The following ATXN1 variants were observed in gnomAD, a reference collection of about 807,000 sequenced individuals.
ATXN1 encodes ataxin 1, also known as ataxin-1.
ATXN1 carries 8 observed loss-of-function variants against 56.4 expected under a neutral mutation model. The observed-to-expected ratio is 0.14, with a 90% CI of 0.08 to 0.26. The LOEUF (loss-of-function observed/expected upper bound fraction) is 0.26. Ranked by LOEUF, ATXN1 falls within the 10% of genes least tolerant of loss-of-function variation. The pLI is 1.00. For synonymous variants in ATXN1, 514 were observed against 494.6 expected, an observed-to-expected ratio of 1.04 and a Z score of -0.52; for missense variants, 987 against 1,106.5, an observed-to-expected ratio of 0.89 and a Z score of 1.53.
intron 6 of ATXN1, among the ~76,000 whole-genome samples, chr6:16,369,265 T>C (rs143895055): frequency 1.9e-4 from 29 of 152,342 alleles, no homozygotes; most frequent in African/African-American, 7.0e-4. Context: ...GAATGGGCAG[T>C]ATGTGGTTTC....
intron 6 of ATXN1, among the ~76,000 whole-genome samples, chr6:16,351,079 A>AAAATG (rs1761555576): frequency 6.6e-6 from 1 of 152,076 alleles, no homozygotes; most frequent in Middle Eastern, 3.2e-3. Flanking sequence ...ACAGAACAAG[A>AAAATG]CCCTGTCTCA....
intron 6 of ATXN1, among the ~76,000 whole-genome samples, chr6:16,459,036 A>G (rs1443228828): frequency 1.3e-5 from 2 of 152,194 alleles, no homozygotes; most frequent in Non-Finnish European, 2.9e-5. Context: ...ATTACCATCC[A>G]AGGAATCCTG....
intron 5 of ATXN1, among the ~76,000 whole-genome samples, chr6:16,501,441 A>G (rs1266742667): frequency 6.6e-6 from 1 of 152,270 alleles, no homozygotes; most frequent in Non-Finnish European, 1.5e-5. Context: ...CCCCTCATGC[A>G]TTAGGTATTT....
chr6:16,724,367 A>G (rs1759805187), intron 2 of ATXN1, among the ~76,000 whole-genome samples: 1 of 152,156 alleles, frequency 6.6e-6, no homozygotes, highest in African/African-American at 2.4e-5. Flanking sequence ...TGTGCATCAA[A>G]GTTTTCTTCT....
At chr6:16,439,616 A>T (rs1456131696) in intron 6 of ATXN1, among the ~76,000 whole-genome samples, 1 of 152,146 alleles carries the variant, frequency 6.6e-6, no homozygotes, top group Non-Finnish European at 1.5e-5. Flanking sequence ...AACAAATAAA[A>T]AATTGAGCTT....
chr6:16,670,986 C>T (rs1434414108), intron 2 of ATXN1, among the ~76,000 whole-genome samples: 1 of 152,212 alleles, frequency 6.6e-6, no homozygotes, highest in East Asian at 1.9e-4. Flanking sequence ...AGTCCATTTA[C>T]TCTAGCTAAT....
chr6:16,607,319 C>T (rs1318970139), intron 3 of ATXN1, among the ~76,000 whole-genome samples: 3 of 152,182 alleles, frequency 2.0e-5, no homozygotes, highest in African/African-American at 7.2e-5. Flanking sequence ...CATTCTAGCT[C>T]CCAAGTTCTG....
chr6:16,325,842 A>G (rs1203539124), intron 7 of ATXN1, among the ~76,000 whole-genome samples: 2 of 152,130 alleles, frequency 1.3e-5, no homozygotes, highest in Admixed American at 6.5e-5. Flanking sequence ...GCCATAGCTC[A>G]CTACAGCCTC....
intron 2 of ATXN1, among the ~76,000 whole-genome samples, chr6:16,663,842 T>G (rs1206638580): frequency 6.6e-6 from 1 of 152,162 alleles, no homozygotes; most frequent in Non-Finnish European, 1.5e-5. Context: ...GAACATGTTT[T>G]TGATCCATAC....
rs1359520974 is a variant in ATXN1 at position 16,683,352 on chromosome 6, AAACT to A, written c.-614-25455_-614-25452del. On this transcript the variant is annotated intron_variant, in intron 2 of 7. Transcript: ENST00000436367. ...GAGCTTCTCCATGGACAGTGTTCCA[AAACT>A]AACTGTGGCTGTTAGGATAAAGAGG... Among the ~76,000 whole-genome samples, 3 of 152,180 alleles carry A rather than the reference AAACT, an allele frequency of 2.0e-5. No individual in the cohort carries two copies. The East Asian group carries it at 5.8e-4, about 29-fold the overall frequency.
intron 2 of ATXN1, among the ~76,000 whole-genome samples, chr6:16,711,190 A>G (rs1164979907): frequency 6.6e-6 from 1 of 152,242 alleles, no homozygotes; most frequent in Non-Finnish European, 1.5e-5. Flanking sequence ...AAAAAAAATC[A>G]CTTCAATAAT....
At chr6:16,646,282 C>G (rs1037372262) in intron 3 of ATXN1, among the ~76,000 whole-genome samples, 2 of 152,156 alleles carry the variant, frequency 1.3e-5, no homozygotes, top group African/African-American at 4.8e-5. Context: ...TAAGTAAATT[C>G]CTGCTAAGAG....
chr6:16,679,440 G>C (rs531200187), intron 2 of ATXN1, among the ~76,000 whole-genome samples: 1 of 152,168 alleles, frequency 6.6e-6, no homozygotes, highest in Non-Finnish European at 1.5e-5. Flanking sequence ...GGAAAAAAGG[G>C]AGAAAGGGGG....
chr6:16,584,845 T>C (rs1762594553), intron 4 of ATXN1, among the ~76,000 whole-genome samples: 1 of 152,194 alleles, frequency 6.6e-6, no homozygotes, highest in Non-Finnish European at 1.5e-5. Flanking sequence ...TGAAAACTCT[T>C]ACATTTACCA....
rs534592230 is a variant in ATXN1, at chr6:16,677,049, T to C, written c.-614-19148A>G. 2.6e-5 allele frequency among the ~76,000 whole-genome samples: 4 copies of C among 152,214 alleles called. No individual in the cohort carries two copies. In the South Asian group the frequency reaches 6.2e-4, roughly 24 times the overall value. ...TTTTTTTAAAACAATGAATGAATCA[T>C]GTCTGTAGTGGCCACTGCGAGCAAA... On this transcript the variant is annotated intron_variant, in intron 2 of 7. Coordinates refer to ENST00000436367, the MANE Select transcript of ATXN1 (RefSeq NM_001128164.2).
At chr6:16,452,175 A>G (rs1759767569) in intron 6 of ATXN1, among the ~76,000 whole-genome samples, 1 of 152,230 alleles carries the variant, frequency 6.6e-6, no homozygotes, top group Admixed American at 6.5e-5. Flanking sequence ...GGTAGAAAAG[A>G]AACACGATGT....
intron 6 of ATXN1, among the ~76,000 whole-genome samples, chr6:16,360,069 TA>T (rs1761775763): frequency 6.6e-6 from 1 of 151,018 alleles, no homozygotes; most frequent in African/African-American, 2.4e-5. Context: ...CCTATGGACG[TA>T]AAAAATAAAA....
intron 6 of ATXN1, among the ~76,000 whole-genome samples, chr6:16,353,004 A>G (rs1392332195): frequency 1.3e-5 from 2 of 152,038 alleles, no homozygotes; most frequent in African/African-American, 4.8e-5. Flanking sequence ...ACCGGCGGGG[A>G]GCGCTGCGCA....
chr6:16,380,522 A>G (rs1219321036), intron 6 of ATXN1, among the ~76,000 whole-genome samples: 1 of 151,634 alleles, frequency 6.6e-6, no homozygotes, highest in African/African-American at 2.4e-5. Context: ...AATGCCAGAC[A>G]CATTTCAGAT....
Sources: gnomAD v4.1 joint callset for allele counts (sites outside exome capture counted in the v4.1 genomes callset) on GRCh38, gnomAD v4.1.1 for gene constraint, MANE v1.5 for transcripts, NCBI Gene and HGNC (gene_info 2026-07-23, HGNC 2026-07-21) for gene names.